Variants in DGKK observed in about 807,000 individuals in gnomAD.
DGKK encodes the protein diacylglycerol kinase kappa.
Under a neutral mutation model 92.2 loss-of-function variants are expected in DGKK, and 35 were observed. That is an observed-to-expected ratio of 0.38 (90% confidence interval 0.29 to 0.50). DGKK has a LOEUF of 0.50. DGKK is among the 20% of genes least tolerant of loss of function. The pLI, the probability that DGKK is intolerant of heterozygous loss-of-function variation, is 0.92. For missense variants in DGKK, 910 were observed against 992.2 expected, an observed-to-expected ratio of 0.92 and a Z score of 1.11; for synonymous variants, 368 against 360.6, an observed-to-expected ratio of 1.02 and a Z score of -0.23.
rs1925066477 is a variant in DGKK at position 50,403,559 on chromosome X, C to T, written c.1117G>A (p.Ala373Thr). The T allele has an allele frequency of 8.3e-7, 1 of 1,208,332 alleles. No individual in the cohort carries two copies. Among genetic ancestry groups the T allele is most frequent in the South Asian group, 1.8e-5 (1 of 56,708 alleles). ...GTATTCCACTTGCAGTCTTTGCTTG[C>T]TCTCAAAGCACACAATCTGTGAGAT... is the stretch of plus-strand genomic sequence containing the variant. The part of the protein sequence containing the change: ...VKSHRLCALR[A>T]SKDCKWNTLS... The change falls in exon 6 of 28, where the codon GCA becomes ACA. Residue 373 changes from alanine (A) to threonine (T), a missense_variant. Ala to Thr is a moderately conservative substitution (Grantham distance 58). Coordinates refer to ENST00000611977, the MANE Select transcript of DGKK (RefSeq NM_001013742.4).
chrX:50,378,487 T>C (rs1419166457), intron 21 of DGKK, 91 bp downstream of exon 21: 8 of 878,884 alleles, frequency 9.1e-6, no homozygotes, highest in South Asian at 2.3e-5. Context: ...CTGGCATTCT[T>C]CTACCCAGTT....
chrX:50,396,377 G>A (rs782043685), intron 8 of DGKK, among the ~76,000 whole-genome samples: 1 of 111,987 alleles, frequency 8.9e-6, no homozygotes, highest in South Asian at 3.7e-4. Context: ...AGAAAAGATA[G>A]CAGCAAGACT....
chrX:50,405,815 G>C (rs1453795699), intron 4 of DGKK, among the ~76,000 whole-genome samples: 1 of 111,807 alleles, frequency 8.9e-6, no homozygotes, highest in African/African-American at 3.3e-5. Context: ...ACACTGGAAA[G>C]CTCTAGGGTG....
At chrX:50,426,571 C>G (rs1023625092) in intron 1 of DGKK, among the ~76,000 whole-genome samples, 2 of 111,176 alleles carry the variant, frequency 1.8e-5, no homozygotes, top group Non-Finnish European at 3.8e-5. Flanking sequence ...TCAGAGCCTA[C>G]TCCCAACAAA....
intron 18 of DGKK, among the ~76,000 whole-genome samples, chrX:50,380,968 G>T (rs4599945): frequency 0.063 from 7,035 of 111,572 alleles, 210 homozygotes; most frequent in East Asian, 0.18. Flanking sequence ...CTGAAAAAAA[G>T]AATCAAGTGG....
At chrX:50,415,358 T>C (rs2147134118) in intron 4 of DGKK, among the ~76,000 whole-genome samples, 1 of 111,830 alleles carries the variant, frequency 8.9e-6, no homozygotes, top group African/African-American at 3.2e-5. Context: ...CATGATGGGA[T>C]GTAAAAACAC....
intron 4 of DGKK, among the ~76,000 whole-genome samples, chrX:50,415,613 G>A (rs537842009): frequency 6.2e-5 from 7 of 112,108 alleles, no homozygotes; most frequent in East Asian, 2.8e-4. Context: ...GTAAGTTGGA[G>A]ACCATCTGTA....
At chrX:50,452,144 G>C (rs1457840831) in intron 1 of DGKK, among the ~76,000 whole-genome samples, 1 of 111,574 alleles carries the variant, frequency 9.0e-6, no homozygotes, top group Non-Finnish European at 1.9e-5. Context: ...GACGCAGAAA[G>C]GTGAGTGAGG....
intron 20 of DGKK, 39 bp downstream of exon 20, chrX:50,379,588 C>T (rs1924361875): frequency 1.8e-6 from 2 of 1,081,454 alleles, no homozygotes; most frequent in Admixed American, 2.2e-5. Flanking sequence ...TTAGTGGGAT[C>T]ATGCCTTTCT....
intron 8 of DGKK, among the ~76,000 whole-genome samples, chrX:50,395,672 G>C (rs1031105297): frequency 9.1e-6 from 1 of 110,266 alleles, no homozygotes; most frequent in African/African-American, 3.3e-5. Context: ...ACCTTTAAAA[G>C]CCAATCATTA....
At chrX:50,382,918 A>G (rs1379912726) in intron 17 of DGKK, among the ~76,000 whole-genome samples, 1 of 111,710 alleles carries the variant, frequency 9.0e-6, no homozygotes, top group African/African-American at 3.3e-5. Context: ...TTTTCTTCAT[A>G]TGTAGTATTA....
intron 1 of DGKK, among the ~76,000 whole-genome samples, chrX:50,441,632 T>A (rs910348989): frequency 5.4e-5 from 6 of 111,888 alleles, no homozygotes; most frequent in South Asian, 7.5e-4. Flanking sequence ...CAAAGGTAAT[T>A]GAGGAAGTAA....
chrX:50,461,305 G>A (rs375924973), intron 1 of DGKK, among the ~76,000 whole-genome samples: 62 of 112,122 alleles, frequency 5.5e-4, no homozygotes, highest in Middle Eastern at 4.6e-3. Flanking sequence ...ATAATTAAGC[G>A]TGTGGGGCTG....
At chrX:50,427,369 A>G (rs988826007) in intron 1 of DGKK, among the ~76,000 whole-genome samples, 2 of 110,607 alleles carry the variant, frequency 1.8e-5, no homozygotes, top group Non-Finnish European at 3.8e-5. Flanking sequence ...GAAGAGATGA[A>G]TAGGTGGAGC....
At chrX:50,444,479 T>C (rs1926241111) in intron 1 of DGKK, among the ~76,000 whole-genome samples, 1 of 110,909 alleles carries the variant, frequency 9.0e-6, no homozygotes, top group Non-Finnish European at 1.9e-5. Context: ...ATGTTTGTTG[T>C]TCCCCTCTTT....
intron 1 of DGKK, among the ~76,000 whole-genome samples, chrX:50,450,924 T>A (rs782417296): frequency 9.0e-6 from 1 of 111,466 alleles, no homozygotes; most frequent in East Asian, 2.9e-4. Context: ...ATAAACAGAA[T>A]AGCCTTGTTC....
chrX:50,388,095 C>T (rs1557225158), intron 13 of DGKK, among the ~76,000 whole-genome samples: 1 of 111,871 alleles, frequency 8.9e-6, no homozygotes, highest in African/African-American at 3.3e-5. Context: ...GGCAGGAGCC[C>T]CCTAAGAAGT....
chrX:50,371,134 T>C (rs1924113710), intron 26 of DGKK, among the ~76,000 whole-genome samples: 1 of 112,768 alleles, frequency 8.9e-6, no homozygotes, highest in Non-Finnish European at 1.9e-5. Flanking sequence ...ATGCAGGCTC[T>C]GTAATTCCAG....
chrX:50,413,268 C>G (rs1039090361), intron 4 of DGKK, among the ~76,000 whole-genome samples: 6 of 111,950 alleles, frequency 5.4e-5, no homozygotes, highest in Non-Finnish European at 1.1e-4. Context: ...TGTGATAACA[C>G]AAGGGAAAAA....
Sources: gnomAD v4.1 joint callset for allele counts (sites outside exome capture counted in the v4.1 genomes callset) on GRCh38, gnomAD v4.1.1 for gene constraint, MANE v1.5 for transcripts, NCBI Gene and HGNC (gene_info 2026-07-23, HGNC 2026-07-21) for gene names.